WWC2: variants seen among roughly 807,000 people sequenced by gnomAD.
The protein encoded by WWC2 is WW and C2 domain containing 2, also known as protein WWC2.
Under a neutral mutation model 138.5 loss-of-function variants are expected in WWC2, and 101 were observed. The observed-to-expected ratio is 0.73, with a 90% CI of 0.62 to 0.86. The LOEUF is 0.86. WWC2 is among the 40% of genes least tolerant of loss of function. WWC2 has a pLI of 0.00. For synonymous variants in WWC2, 558 were observed against 538.4 expected (o/e 1.04, Z -0.50); for missense variants, 1,420 against 1,419.4 (o/e 1.00, Z -0.01).
intron 1 of WWC2, among the ~76,000 whole-genome samples, chr4:183,109,520 G>C (rs1732158389): frequency 6.6e-6 from 1 of 152,178 alleles, no homozygotes; most frequent in Admixed American, 6.5e-5. Context: ...TTGGATCTCA[G>C]ATCATCAGGG....
chr4:183,300,124 A>G (rs1009568308), intron 21 of WWC2, among the ~76,000 whole-genome samples: 6 of 152,160 alleles, frequency 3.9e-5, no homozygotes, highest in Non-Finnish European at 8.8e-5. Flanking sequence ...TTCTTAACAC[A>G]ACTATGAATA....
rs1739276679 is a variant in WWC2 at position 183,312,278 on chromosome 4, A to AT, written c.3385-62dup. 6.9e-6 allele frequency: 11 copies of AT among 1,588,232 alleles called. No homozygotes were observed. In the Admixed American group the frequency reaches 1.9e-4, roughly 27 times the overall value. On this transcript the variant is annotated intron_variant, in intron 21 of 22. Coordinates refer to ENST00000403733, the MANE Select transcript of WWC2 (RefSeq NM_024949.6). ...TCCACAATCTTTGAAGCTTCATAGG[A>AT]TGTCTCCAGGGATTTCTAATCAGTG... is the stretch of plus-strand genomic sequence containing the variant.
chr4:183,225,540 A>G (rs1736044130), intron 4 of WWC2, among the ~76,000 whole-genome samples: 1 of 152,232 alleles, frequency 6.6e-6, no homozygotes, highest in South Asian at 2.1e-4. Flanking sequence ...AGCTCATTTA[A>G]ATTAGTCACA....
intron 16 of WWC2, 55 bp from the exon 17 acceptor site, chr4:183,280,721 T>C (rs2111054800): frequency 1.3e-6 from 2 of 1,536,850 alleles, no homozygotes; most frequent in South Asian, 1.2e-5. Flanking sequence ...GCTGAGTTTT[T>C]AAGTCATTTT....
intron 16 of WWC2, among the ~76,000 whole-genome samples, chr4:183,272,771 G>A (rs1320425061): frequency 6.6e-6 from 1 of 152,188 alleles, no homozygotes; most frequent in Admixed American, 6.5e-5. Flanking sequence ...CCTCCATGGT[G>A]TTGCAGTATT....
chr4:183,240,997 C>G (rs1441918382), intron 5 of WWC2, among the ~76,000 whole-genome samples: 1 of 152,194 alleles, frequency 6.6e-6, no homozygotes, highest in Non-Finnish European at 1.5e-5. Context: ...GACAGGCACA[C>G]CTGAGACTTT....
In WWC2 at chr4:183,244,750, G is replaced by A. The variant is rs566251759; in HGVS notation, c.603-666G>A. 4.6e-5 allele frequency among the ~76,000 whole-genome samples: 7 copies of A among 152,154 alleles called. No individual in the cohort carries two copies. The South Asian group carries it at 1.2e-3, about 27-fold the overall frequency. The stretch of plus-strand genomic sequence containing the variant: ...TTACAGCAAAACATTATGTAAATCA[G>A]GTGGCAGTTTACTTGCCTCTGTGTT... On this transcript the variant is annotated intron_variant, in intron 5 of 22. Coordinates refer to ENST00000403733, the MANE Select transcript of WWC2 (RefSeq NM_024949.6).
chr4:183,296,516 T>G (rs1738633324), intron 21 of WWC2, among the ~76,000 whole-genome samples: 1 of 152,140 alleles, frequency 6.6e-6, no homozygotes, highest in African/African-American at 2.4e-5. Flanking sequence ...TGTAAAATAG[T>G]GCTTTATTTT....
At chr4:183,245,233 A>G (rs1434801805) in intron 5 of WWC2, among the ~76,000 whole-genome samples, 183 bp from the exon 6 acceptor site, 1 of 148,844 alleles carries the variant, frequency 6.7e-6, no homozygotes, top group East Asian at 1.9e-4. Context: ...TCTAAAAAAA[A>G]AAAAAAAAAA....
chr4:183,101,804 G>T (rs1288662199), intron 1 of WWC2, among the ~76,000 whole-genome samples: 2 of 152,132 alleles, frequency 1.3e-5, no homozygotes, highest in East Asian at 3.8e-4. Context: ...AATTCTGAAA[G>T]AAAAACAACT....
chr4:183,315,510 C>T (rs891395164), intron 22 of WWC2, among the ~76,000 whole-genome samples, 153 bp from the exon 23 acceptor site: 2 of 152,162 alleles, frequency 1.3e-5, no homozygotes, highest in African/African-American at 2.4e-5. Context: ...AGAGGCTCTC[C>T]TGATTTTAAA....
intron 21 of WWC2, among the ~76,000 whole-genome samples, chr4:183,304,449 T>A (rs72703412): frequency 0.052 from 7,868 of 152,164 alleles, 236 homozygotes; most frequent in South Asian, 0.085. Context: ...CGAAGAAAAA[T>A]CTTGCCCTGA....
At chr4:183,126,007 T>C (rs1444771712) in intron 1 of WWC2, among the ~76,000 whole-genome samples, 1 of 152,198 alleles carries the variant, frequency 6.6e-6, no homozygotes, top group Non-Finnish European at 1.5e-5. Flanking sequence ...GCCATGCATG[T>C]AGATGCAAGG....
At chr4:183,163,735 A>T (rs1214617870) in intron 1 of WWC2, among the ~76,000 whole-genome samples, 1 of 152,178 alleles carries the variant, frequency 6.6e-6, no homozygotes, top group Non-Finnish European at 1.5e-5. Context: ...GGTGCTCAAA[A>T]TTATTAAATT....
intron 21 of WWC2, among the ~76,000 whole-genome samples, chr4:183,291,861 T>G (rs578254391): frequency 6.6e-6 from 1 of 151,848 alleles, no homozygotes; most frequent in African/African-American, 2.4e-5. Flanking sequence ...CTGGCAAAAT[T>G]AATGAAGAGA....
chr4:183,169,005 C>T lies in WWC2; in HGVS notation c.132-24594C>T, dbSNP rs577977863. Reference sequence around the variant, plus strand: ...CTGGTATTACAGGCGTGCACCACCACGCCCGGCTAATTTTCTGTTTTTAGT... The same window carrying T: ...CTGGTATTACAGGCGTGCACCACCATGCCCGGCTAATTTTCTGTTTTTAGT... On this transcript the variant is annotated intron_variant, in intron 1 of 22. Transcript: ENST00000403733. Among the ~76,000 whole-genome samples, 22 of 152,220 alleles carry T rather than the reference C, an allele frequency of 1.4e-4. No homozygotes were observed. In the East Asian group the frequency reaches 3.7e-3, roughly 25 times the overall value.
intron 1 of WWC2, among the ~76,000 whole-genome samples, chr4:183,130,198 G>A (rs1225139154): frequency 1.3e-5 from 2 of 151,852 alleles, no homozygotes; most frequent in African/African-American, 2.4e-5. Context: ...GACTACAGGC[G>A]CCCGCCACCA....
intron 4 of WWC2, among the ~76,000 whole-genome samples, chr4:183,220,610 A>G (rs569031282): frequency 5.9e-4 from 90 of 151,960 alleles, no homozygotes; most frequent in East Asian, 2.3e-3. Context: ...CAAGGTGGGC[A>G]GATCACAAGG....
intron 1 of WWC2, among the ~76,000 whole-genome samples, chr4:183,130,659 A>G (rs1213309200): frequency 2.6e-5 from 4 of 152,204 alleles, no homozygotes; most frequent in African/African-American, 9.7e-5. Flanking sequence ...GCCAGGAGGT[A>G]TCTTAGCTGG....
Sources: gnomAD v4.1 joint callset for allele counts (sites outside exome capture counted in the v4.1 genomes callset) on GRCh38, gnomAD v4.1.1 for gene constraint, MANE v1.5 for transcripts, NCBI Gene and HGNC (gene_info 2026-07-23, HGNC 2026-07-21) for gene names.